Variants in AGMO observed in about 807,000 individuals in gnomAD.
AGMO encodes alkylglycerol monooxygenase.
AGMO carries 75 observed loss-of-function variants against 60.2 expected under a neutral mutation model. The observed-to-expected ratio is 1.25, with a 90% CI of 1.03 to 1.51. AGMO has a LOEUF of 1.51. Among genes scored for constraint, AGMO ranks in the 40% most tolerant of loss-of-function variants. The pLI is 0.00. For synonymous variants in AGMO, 261 were observed against 177.1 expected (o/e 1.47, Z -3.76); for missense variants, 763 against 525.5 (o/e 1.45, Z -4.42).
At chr7:15,484,241 A>G (rs1254061254) in intron 3 of AGMO, among the ~76,000 whole-genome samples, 1 of 152,158 alleles carries the variant, frequency 6.6e-6, no homozygotes, top group East Asian at 1.9e-4. Context: ...TAAAGAAATT[A>G]TTATAATTAT....
chr7:15,275,337 T>C (rs1325685521), intron 12 of AGMO, among the ~76,000 whole-genome samples: 1 of 152,120 alleles, frequency 6.6e-6, no homozygotes, highest in East Asian at 1.9e-4. Context: ...TTACATGAAT[T>C]TGTGTAGTTT....
intron 3 of AGMO, among the ~76,000 whole-genome samples, chr7:15,456,694 C>T (rs1288283005): frequency 1.3e-5 from 2 of 152,176 alleles, no homozygotes; most frequent in Non-Finnish European, 2.9e-5. Context: ...TCTACTTGAT[C>T]TGTACACCTC....
At position 15,560,210 on chromosome 7, in the gene AGMO, C is replaced by T; in HGVS notation, c.188G>A (p.Gly63Glu). 6.2e-7 allele frequency: 1 copy of T among 1,613,100 alleles called. No individual in the cohort carries two copies. The highest frequency in any genetic ancestry group is 8.5e-7 in the Non-Finnish European group (1 of 1,179,366). Reference protein sequence around the residue: ...LELVVSWILKGKPPGRLDDAL... With the variant: ...LELVVSWILKEKPPGRLDDAL... ...ATCATCCAGGCGACCTGGTGGCTTTCCTTTGAGAATCCAGCTGACAACAAG... is the reference window on the plus strand; with the variant it reads ...ATCATCCAGGCGACCTGGTGGCTTTTCTTTGAGAATCCAGCTGACAACAAG... The change falls in exon 2 of 13, where the codon GGA becomes GAA. Residue 63 changes from glycine (G) to glutamate (E), a missense_variant. Gly to Glu is a moderately conservative substitution (Grantham distance 98). Coordinates refer to ENST00000342526, the MANE Select transcript of AGMO (RefSeq NM_001004320.2).
At chr7:15,339,997 T>C (rs1242485390) in intron 12 of AGMO, among the ~76,000 whole-genome samples, 1 of 152,158 alleles carries the variant, frequency 6.6e-6, no homozygotes, top group Non-Finnish European at 1.5e-5. Context: ...GGAAGGAGCA[T>C]AGCACAGATA....
Position 15,555,288 on chromosome 7 carries a change from TATATACAC to T in AGMO, c.257+4845_257+4852del, listed in dbSNP as rs1319275986. On this transcript the variant is annotated intron_variant, in intron 2 of 12. Transcript: ENST00000342526. ...ATTGGATCATATATATATATATATA[TATATACAC>T]ACACACACACACACACACACACACA... 6.4e-3 allele frequency among the ~76,000 whole-genome samples: 638 copies of T among 99,902 alleles called. 6 individuals are homozygous for T. The highest frequency in any genetic ancestry group is 9.4e-3 in the South Asian group (35 of 3,726). 65.5% of individuals were successfully genotyped at this position (99,902 alleles called of 152,430 possible).
At chr7:15,267,153 A>T (rs1783455840) in intron 12 of AGMO, among the ~76,000 whole-genome samples, 1 of 152,016 alleles carries the variant, frequency 6.6e-6, no homozygotes, top group Non-Finnish European at 1.5e-5. Context: ...TGACTTAGTT[A>T]AAAACATTTG....
In AGMO at chr7:15,394,179, C is replaced by G. The variant is rs368244667; in HGVS notation, c.610G>C (p.Val204Leu). ...TCCAAAGGACCAAGGTTATTGATGA[C>G]CTGTTTAAAACAGAAGGAATATTTA... ...LLYQFWIHTE[V>L]INNLGPLELI... The change falls in exon 6 of 13, where the codon GTC (valine) becomes CTC (leucine). Residue 204 changes from valine to leucine, a missense_variant and splice_region_variant. Val to Leu is a conservative substitution (Grantham distance 32). Coordinates refer to ENST00000342526, the MANE Select transcript of AGMO (RefSeq NM_001004320.2). 20 of 1,599,576 alleles carry G rather than the reference C, an allele frequency of 1.3e-5. No homozygotes were observed. The highest frequency in any genetic ancestry group is 1.7e-5 in the Non-Finnish European group (20 of 1,167,458).
chr7:15,369,301 ATG>A (rs993062854), intron 10 of AGMO, among the ~76,000 whole-genome samples: 5 of 152,172 alleles, frequency 3.3e-5, no homozygotes, highest in African/African-American at 1.2e-4. Flanking sequence ...TTTTAAGCTT[ATG>A]TGAGATCATG....
chr7:15,531,176 A>G (rs1406842043), intron 3 of AGMO, among the ~76,000 whole-genome samples: 3 of 89,246 alleles, frequency 3.4e-5, no homozygotes, highest in African/African-American at 4.7e-5. Context: ...TATATATTCT[A>G]TATATTCTAT....
At chr7:15,187,650 T>C in the AGMO span, among the ~76,000 whole-genome samples, 1 of 152,258 alleles carries the variant, frequency 6.6e-6, no homozygotes, top group East Asian at 1.9e-4. Flanking sequence ...TTAATATGTG[T>C]ATGTGTGAGT....
At chr7:15,301,076 A>G (rs1403894360) in intron 12 of AGMO, among the ~76,000 whole-genome samples, 1 of 152,180 alleles carries the variant, frequency 6.6e-6, no homozygotes, top group African/African-American at 2.4e-5. Context: ...AATCTTTTCT[A>G]TATTTATATT....
At chr7:15,407,982 A>G (rs1362764852) in intron 5 of AGMO, among the ~76,000 whole-genome samples, 1 of 151,926 alleles carries the variant, frequency 6.6e-6, no homozygotes, top group East Asian at 1.9e-4. Flanking sequence ...AGAAATACAC[A>G]CAGAGTTAGT....
intron 3 of AGMO, among the ~76,000 whole-genome samples, chr7:15,459,627 G>GTGTGTGTGTGTGTGT (rs1426280458): frequency 1.5e-4 from 22 of 150,176 alleles, no homozygotes; most frequent in East Asian, 3.9e-4. Context: ...GTGTGTGTAT[G>GTGTGTGTGTGTGTGT]GTTGTCAGTC....
chr7:15,556,321 G>A (rs1249962928), intron 2 of AGMO, among the ~76,000 whole-genome samples: 4 of 141,210 alleles, frequency 2.8e-5, no homozygotes, highest in Non-Finnish European at 6.0e-5. Context: ...ATATATGATT[G>A]AACATTGTGG....
Position 15,537,818 on chromosome 7 carries a change from T to A in AGMO, c.409+6954A>T, listed in dbSNP as rs375716384. ...GTTAGTCTGTATCTTTCAAAATGAC[T>A]ACAGTTGCTATTGATAAGAATATGC... On this transcript the variant is annotated intron_variant, in intron 3 of 12. Coordinates refer to ENST00000342526, the MANE Select transcript of AGMO (RefSeq NM_001004320.2). 1.5e-4 allele frequency among the ~76,000 whole-genome samples: 23 copies of A among 152,228 alleles called. No homozygotes were observed. In the East Asian group the frequency reaches 4.3e-3, roughly 28 times the overall value.
At chr7:15,522,589 A>G (rs1784025915) in intron 3 of AGMO, among the ~76,000 whole-genome samples, 2 of 152,112 alleles carry the variant, frequency 1.3e-5, no homozygotes, top group African/African-American at 4.8e-5. Flanking sequence ...GATAAAAGCA[A>G]TGGGAAACAG....
intron 3 of AGMO, among the ~76,000 whole-genome samples, chr7:15,483,048 C>T (rs1438112711): frequency 3.3e-5 from 5 of 151,904 alleles, no homozygotes; most frequent in Admixed American, 2.0e-4. Flanking sequence ...CTAATAAGTA[C>T]AGTGAGGCAA....
At chr7:15,357,712 C>T (rs187854297) in intron 12 of AGMO, among the ~76,000 whole-genome samples, 18 of 152,324 alleles carry the variant, frequency 1.2e-4, no homozygotes, top group African/African-American at 4.1e-4. Flanking sequence ...GGACAGAAAA[C>T]AGTGCGCTCC....
At chr7:15,230,474 T>A (rs1395530131) in intron 12 of AGMO, among the ~76,000 whole-genome samples, 2 of 152,150 alleles carry the variant, frequency 1.3e-5, no homozygotes, top group Non-Finnish European at 2.9e-5. Context: ...TGGCAAGTCC[T>A]ACAGGGGAAG....
Sources: allele counts gnomAD v4.1 joint callset (sites outside exome capture counted in the v4.1 genomes callset), GRCh38; gene constraint gnomAD v4.1.1; transcripts MANE v1.5; gene names NCBI Gene and HGNC (gene_info 2026-07-23, HGNC 2026-07-21).